Variants in MEF2C observed in about 807,000 individuals in gnomAD.
MEF2C encodes the protein myocyte enhancer factor 2C.
Under a neutral mutation model 50.5 loss-of-function variants are expected in MEF2C, and 6 were observed. That is an observed-to-expected ratio of 0.12 (90% CI 0.07 to 0.23). MEF2C has a LOEUF of 0.23. Ranked by LOEUF, MEF2C falls within the 10% of genes least tolerant of loss-of-function variation. The pLI is 1.00. For synonymous variants in MEF2C, 183 were observed against 228.0 expected (o/e 0.80, Z 1.78); for missense variants, 276 against 605.0 (o/e 0.46, Z 5.70).
intron 6 of MEF2C, chr5:88,737,785 G>C: frequency 1.0e-6 from 1 of 985,414 alleles, no homozygotes; most frequent in Non-Finnish European, 1.2e-6. Context: ...AGTTGAAAAA[G>C]AAGGCTTGGC....
chr5:88,845,214 T>C (rs1818874756), intron 1 of MEF2C, among the ~76,000 whole-genome samples: 1 of 152,230 alleles, frequency 6.6e-6, no homozygotes, highest in Non-Finnish European at 1.5e-5. Flanking sequence ...TATCCTCCCG[T>C]GTCAATGGTG....
chr5:88,718,981 C>G lies in MEF2C; in HGVS notation c.*3623G>C, dbSNP rs1031839909. Reference sequence around the variant, plus strand: ...ACAAATGAGAACAGATGAAGTATGCCATGCTTAGGCAACAGCCTTTATTGA... The same window carrying G: ...ACAAATGAGAACAGATGAAGTATGCGATGCTTAGGCAACAGCCTTTATTGA... On this transcript the variant is annotated 3_prime_UTR_variant, in exon 11 of 11. Transcript: ENST00000504921. 1 of 152,168 alleles carries G rather than the reference C, an allele frequency of 6.6e-6. No homozygotes were observed. The highest frequency in any genetic ancestry group is 2.4e-5 in the African/African-American group (1 of 41,440). 9.4% of individuals were successfully genotyped at this position (152,168 alleles called of 1,614,324 possible).
chr5:88,762,173 C>T (rs1159060598), intron 3 of MEF2C, among the ~76,000 whole-genome samples: 1 of 152,198 alleles, frequency 6.6e-6, no homozygotes, highest in Non-Finnish European at 1.5e-5. Context: ...TCTTGAACCT[C>T]CTGTCTCCTG....
chr5:88,775,865 ATTTTT>A, intron 3 of MEF2C: 3 of 957,510 alleles, frequency 3.1e-6, no homozygotes, highest in Non-Finnish European at 3.7e-6. Context: ...TATACATTTT[ATTTTT>A]TTATCTCATT....
chr5:88,887,587 C>T (rs1217331757), upstream of MEF2C: 1 of 152,180 alleles, frequency 6.6e-6, no homozygotes, highest in Non-Finnish European at 1.5e-5. Context: ...GTTTGCAACT[C>T]TTCTTTGGCA....
In MEF2C at chr5:88,777,254, TTAA is replaced by T. The variant is rs199965265; in HGVS notation, c.259-15929_259-15927del. Among the ~76,000 whole-genome samples the T allele has an allele frequency of 7.2e-3, 1,089 of 152,262 alleles. 15 individuals are homozygous for T. Among genetic ancestry groups the T allele is most frequent in the African/African-American group, 0.025 (1,050 of 41,516 alleles). Reference sequence around the variant, plus strand: ...CCAGTCTTCCATCACTATCAAAATATTAATTTTCTTAATATTTTAATTGAATCC... The same window carrying T: ...CCAGTCTTCCATCACTATCAAAATATTTTTCTTAATATTTTAATTGAATCC... On this transcript the variant is annotated intron_variant, in intron 3 of 10. Coordinates refer to ENST00000504921, the MANE Select transcript of MEF2C (RefSeq NM_002397.5).
chr5:88,889,389 T>TC (rs35847525), intron 1 of MEF2C: 5,352 of 144,340 alleles, frequency 0.037, 90 homozygotes, highest in African/African-American at 0.044. Flanking sequence ...TCCCCCCCCT[T>TC]CCCCCCCCCC....
rs914387389 is a variant in MEF2C, at chr5:88,819,320, GA to G, written c.54+4414del. On this transcript the variant is annotated intron_variant, in intron 2 of 10. Coordinates refer to ENST00000504921, the MANE Select transcript of MEF2C (RefSeq NM_002397.5). The stretch of plus-strand genomic sequence containing the variant: ...GTTGAATATGAGAGATCCGGGCTCA[GA>G]TCTTGGTCACTTCCCAGTTTTAACT... 3.0e-6 allele frequency: 3 copies of G among 984,336 alleles called. No homozygotes were observed. The African/African-American group carries it at 5.2e-5, about 17-fold the overall frequency. The allele number at this position is 984,336 out of a possible 1,614,324, so 61.0% of individuals were successfully genotyped here.
intron 3 of MEF2C, among the ~76,000 whole-genome samples, chr5:88,796,374 T>G (rs1015521222): frequency 2.0e-5 from 3 of 152,174 alleles, no homozygotes; most frequent in African/African-American, 7.2e-5. Flanking sequence ...TGGGAGGGTG[T>G]GTGTGTCCAG....
chr5:88,764,945 T>G (rs1440407528), intron 3 of MEF2C, among the ~76,000 whole-genome samples: 1 of 152,076 alleles, frequency 6.6e-6, no homozygotes, highest in African/African-American at 2.4e-5. Context: ...TGCATATTGG[T>G]CAATAAAACA....
rs1755484054 is a variant in MEF2C, at chr5:88,719,260, A to G, written c.*3344T>C. 2 of 152,314 alleles carry G rather than the reference A, an allele frequency of 1.3e-5. No individual in the cohort carries two copies. Among genetic ancestry groups the G allele is most frequent in the South Asian group, 4.1e-4 (2 of 4,834 alleles). 9.4% of individuals were successfully genotyped at this position (152,314 alleles called of 1,614,324 possible). On this transcript the variant is annotated 3_prime_UTR_variant, in exon 11 of 11. Transcript: ENST00000504921. ...TTTAAATGATCTGGGGATGACAGGT[A>G]TTTTTATATTCATCATTACAAAATG... is the stretch of plus-strand genomic sequence containing the variant.
intron 1 of MEF2C, chr5:88,838,787 C>G (rs1456554631): frequency 1.1e-6 from 1 of 943,406 alleles, no homozygotes; most frequent in East Asian, 1.2e-4. Context: ...AAATTATGGT[C>G]TACTACAAAT....
chr5:88,722,247 C>T lies in MEF2C; in HGVS notation c.*357G>A. 5.4e-6 allele frequency: 1 copy of T among 183,946 alleles called. No homozygotes were observed. The highest frequency in any genetic ancestry group is 5.5e-5 in the Admixed American group (1 of 18,042). 11.4% of individuals were successfully genotyped at this position (183,946 alleles called of 1,614,324 possible). ...TTCAGTAAAGATCTGCCGCTTTTGG[C>T]AAATGTTTCCTTTTGTCTATTTACA... is the stretch of plus-strand genomic sequence containing the variant. On this transcript the variant is annotated 3_prime_UTR_variant, in exon 11 of 11. Transcript: ENST00000504921.
At chr5:88,733,745 T>C (rs530173573) in intron 6 of MEF2C, 134 of 985,136 alleles carry the variant, frequency 1.4e-4, no homozygotes, top group Non-Finnish European at 1.5e-4. Flanking sequence ...AGTCTGTCAA[T>C]TGGATTATGA....
intron 1 of MEF2C, among the ~76,000 whole-genome samples, chr5:88,893,456 G>C (rs981713265): frequency 1.3e-5 from 2 of 151,774 alleles, no homozygotes; most frequent in African/African-American, 4.8e-5. Flanking sequence ...CTCCTGACCT[G>C]AGGTAATCCG....
chr5:88,733,974 A>T, intron 6 of MEF2C: 2 of 985,296 alleles, frequency 2.0e-6, no homozygotes, highest in Non-Finnish European at 2.4e-6. Flanking sequence ...TTCGAACAGT[A>T]TTCCATGGCA....
At chr5:88,740,809 G>T in intron 6 of MEF2C, 1 of 985,274 alleles carries the variant, frequency 1.0e-6, no homozygotes, top group African/African-American at 1.7e-5. Context: ...ATGAATGATA[G>T]ATTTATGACT....
At position 88,900,673 on chromosome 5, in the gene MEF2C, T is replaced by C. The variant is rs144178179; in HGVS notation, c.-240+3243A>G. On this transcript the variant is annotated intron_variant, in intron 1 of 11. Transcript: ENST00000340208. Reference sequence around the variant, plus strand: ...TGTATTTCTCTAACAAGGTATTAAATTTGGTGACTGAAAAGGGTTCTTCAA... The same window carrying C: ...TGTATTTCTCTAACAAGGTATTAAACTTGGTGACTGAAAAGGGTTCTTCAA... Among the ~76,000 whole-genome samples, 915 of 152,112 alleles carry C rather than the reference T, an allele frequency of 6.0e-3. 9 individuals carry two copies. The highest frequency in any genetic ancestry group is 0.021 in the African/African-American group (864 of 41,562).
In MEF2C at chr5:88,731,615, T is replaced by C. The variant is rs1265169573; in HGVS notation, c.810+114A>G. On this transcript the variant is annotated intron_variant, in intron 7 of 10. Transcript: ENST00000504921. Reference sequence around the variant, plus strand: ...AGCAAGGCTCTGTCAATGGCACTGTTATGTTAATTTTCTGGGAGAATGTTA... The same window carrying C: ...AGCAAGGCTCTGTCAATGGCACTGTCATGTTAATTTTCTGGGAGAATGTTA... The C allele has an allele frequency of 8.2e-6, 8 of 969,700 alleles. No homozygotes were observed. In the African/African-American group the frequency reaches 1.1e-4, roughly 14 times the overall value. 60.1% of individuals were successfully genotyped at this position (969,700 alleles called of 1,614,324 possible). A position where few individuals can be genotyped will look rare whatever the true frequency, so the allele number is the denominator to read the frequency against.
Sources: gnomAD v4.1 joint callset for allele counts (sites outside exome capture counted in the v4.1 genomes callset) on GRCh38, gnomAD v4.1.1 for gene constraint, MANE v1.5 for transcripts, NCBI Gene and HGNC (gene_info 2026-07-23, HGNC 2026-07-21) for gene names.